The following TMC2 variants were observed in gnomAD, a reference collection of about 807,000 sequenced individuals.
The protein encoded by TMC2 is transmembrane channel-like protein 2.
In TMC2, 102 loss-of-function variants were observed where a neutral mutation model predicts 105.9. The ratio of observed to expected loss-of-function variants is 0.96; its 90% CI spans 0.82 to 1.14. The LOEUF (loss-of-function observed/expected upper bound fraction) is 1.14, where lower values mean the gene tolerates loss of function less well. TMC2 is among the 50% of genes most tolerant of loss of function. The probability of loss-of-function intolerance (pLI) is 0.00; values close to 1 mark genes in which losing one functional copy is unlikely to be tolerated. For synonymous variants in TMC2, 402 were observed against 422.8 expected (o/e 0.95, Z 0.60); for missense variants, 1,093 against 1,134.3 (o/e 0.96, Z 0.52).
intron 2 of TMC2, among the ~76,000 whole-genome samples, chr20:2,556,710 G>A (rs947116814): frequency 3.9e-5 from 6 of 152,216 alleles, no homozygotes; most frequent in Non-Finnish European, 8.8e-5. Context: ...CTGCACTCCA[G>A]CCTAGGCAAC....
At chr20:2,588,717 G>GTGTGTGTGTGTGTGTC (rs1213895827) in intron 7 of TMC2, among the ~76,000 whole-genome samples, 13 of 151,682 alleles carry the variant, frequency 8.6e-5, no homozygotes, top group Non-Finnish European at 1.8e-4. Flanking sequence ...GTGTGTGTGT[G>GTGTGTGTGTGTGTGTC]TGTGTCTTGT....
rs528150864 is a variant in TMC2 at position 2,560,091 on chromosome 20, G to A, written c.401+1317G>A. Among the ~76,000 whole-genome samples the A allele has an allele frequency of 7.9e-5, 12 of 152,190 alleles. 1 individual carries two copies. The highest frequency in any genetic ancestry group is 6.5e-4 in the Admixed American group (10 of 15,294). Reference sequence around the variant, plus strand: ...GACTTGATGGAGCGCTGAATTCCCCGGGTGCTGGGCCATCAGGGTTCCTCC... The same window carrying A: ...GACTTGATGGAGCGCTGAATTCCCCAGGTGCTGGGCCATCAGGGTTCCTCC... On this transcript the variant is annotated intron_variant, in intron 3 of 19. Coordinates refer to ENST00000358864, the MANE Select transcript of TMC2 (RefSeq NM_080751.3).
At chr20:2,537,728 C>G (rs1404750070) in intron 2 of TMC2, among the ~76,000 whole-genome samples, 1 of 152,110 alleles carries the variant, frequency 6.6e-6, no homozygotes, top group Non-Finnish European at 1.5e-5. Context: ...CACCTTCCCA[C>G]TGGGAATGTG....
intron 14 of TMC2, among the ~76,000 whole-genome samples, chr20:2,614,695 C>T (rs1487359445): frequency 1.3e-5 from 2 of 152,162 alleles, no homozygotes; most frequent in East Asian, 1.9e-4. Flanking sequence ...AATAGACCAA[C>T]ATGTCAATGG....
intron 11 of TMC2, among the ~76,000 whole-genome samples, chr20:2,608,504 T>G (rs1021119826): frequency 9.9e-5 from 15 of 151,924 alleles, no homozygotes; most frequent in African/African-American, 3.4e-4. Flanking sequence ...ATTTTTGTAT[T>G]TTTAGTAGAG....
Position 2,592,507 on chromosome 20 carries a change from C to G in TMC2, c.933+99C>G, listed in dbSNP as rs895436416. 2 of 871,044 alleles carry G rather than the reference C, an allele frequency of 2.3e-6. No homozygotes were observed. The highest frequency in any genetic ancestry group is 2.8e-5 in the South Asian group (2 of 70,184). The allele number at this position is 871,044 out of a possible 1,614,324, so 54.0% of individuals were successfully genotyped here. On this transcript the variant is annotated intron_variant, in intron 8 of 19. Coordinates refer to ENST00000358864, the MANE Select transcript of TMC2 (RefSeq NM_080751.3). The surrounding 1 kb of genome is among the most constrained non-coding windows in gnomAD (Gnocchi z 4.9). ...ATAGTGCGTTTAATTATTGAAAAAC[C>G]ATTGCTTTAATAGGATCCCAGCACT...
chr20:2,596,558 G>A (rs1019544254), intron 9 of TMC2, among the ~76,000 whole-genome samples: 2 of 151,672 alleles, frequency 1.3e-5, no homozygotes, highest in Non-Finnish European at 2.9e-5. Context: ...GCTTAAACCC[G>A]GGAGGTGGAG....
rs73087330 is a variant in TMC2, at chr20:2,558,223, C to T, written c.83-233C>T. On this transcript the variant is annotated intron_variant, in intron 2 of 19. Coordinates refer to ENST00000358864, the MANE Select transcript of TMC2 (RefSeq NM_080751.3). This position sits in a 1 kb window ranked among gnomAD's most constrained non-coding sequence, Gnocchi z 4.6. ...TGTCACAGGAGGTCTTCAAGGGAGA[C>T]GGGAGGGAGAAGGCCAGAGAGTGAC... 11,163 of 997,356 alleles carry T rather than the reference C, an allele frequency of 0.011. 86 individuals carry two copies. The highest frequency in any genetic ancestry group is 0.018 in the African/African-American group (1,127 of 61,078). The allele number at this position is 997,356 out of a possible 1,614,324, so 61.8% of individuals were successfully genotyped here.
At chr20:2,600,178 GA>G (rs1386102980) in intron 10 of TMC2, among the ~76,000 whole-genome samples, 1 of 152,178 alleles carries the variant, frequency 6.6e-6, no homozygotes, top group Non-Finnish European at 1.5e-5. Context: ...TTGAACATGT[GA>G]GAAGTAAAAT....
chr20:2,568,481 G>A (rs1363934763), intron 4 of TMC2, among the ~76,000 whole-genome samples: 1 of 152,144 alleles, frequency 6.6e-6, no homozygotes, highest in Admixed American at 6.6e-5. Context: ...CTGGATGTCT[G>A]GACACAGAGT....
chr20:2,620,434 C>T (rs969112705), intron 16 of TMC2, among the ~76,000 whole-genome samples: 34 of 152,280 alleles, frequency 2.2e-4, no homozygotes, highest in African/African-American at 8.2e-4. Flanking sequence ...TCTGACTAAT[C>T]GTGTGACTAA....
chr20:2,574,297 A>G (rs1406494967), intron 5 of TMC2, among the ~76,000 whole-genome samples: 3 of 152,194 alleles, frequency 2.0e-5, no homozygotes, highest in Non-Finnish European at 4.4e-5. Context: ...TGATTTTTAC[A>G]TACATTTTCA....
In TMC2 at chr20:2,610,572, G is replaced by A. The variant is rs747713547; in HGVS notation, c.1567G>A (p.Ala523Thr). Residue 523 changes from alanine to threonine, a missense_variant, in exon 12 of 20, where the codon GCC becomes ACC. Coordinates refer to ENST00000358864, the MANE Select transcript of TMC2 (RefSeq NM_080751.3). Reference protein sequence around the residue: ...FLGNLYTFLLALMDDVHLKLA... With the variant: ...FLGNLYTFLLTLMDDVHLKLA... ...GGGGAACCTCTACACATTTCTCTTG[G>A]CCCTGATGGATGACGTCCACCTCAA... The A allele has an allele frequency of 6.2e-7, 1 of 1,604,668 alleles. No individual in the cohort carries two copies. Among genetic ancestry groups the A allele is most frequent in the Non-Finnish European group, 8.5e-7 (1 of 1,174,932 alleles).
chr20:2,603,385 G>A (rs1363197390), intron 11 of TMC2, among the ~76,000 whole-genome samples: 2 of 152,156 alleles, frequency 1.3e-5, no homozygotes, highest in Non-Finnish European at 2.9e-5. Flanking sequence ...GGCATTGATA[G>A]GAGGACAAAT....
chr20:2,619,656 G>T (rs1370513617), intron 16 of TMC2, among the ~76,000 whole-genome samples: 1 of 152,216 alleles, frequency 6.6e-6, no homozygotes, highest in African/African-American at 2.4e-5. Flanking sequence ...TGTTCACACA[G>T]AAGGAGGGGA....
intron 4 of TMC2, among the ~76,000 whole-genome samples, chr20:2,569,977 A>G (rs2086091724): frequency 6.6e-6 from 1 of 152,232 alleles, no homozygotes; most frequent in South Asian, 2.1e-4. Flanking sequence ...TTGAAGGAAC[A>G]TACCTCAAAA....
In TMC2 at chr20:2,572,245, T is replaced by C. The variant is rs1310837543; in HGVS notation, c.621T>C (p.Tyr207=). The change falls in exon 5 of 20, where the codon TAT becomes TAC. Residue 207 remains tyrosine, a synonymous_variant. Transcript: ENST00000358864. ...GAAAGGGGAAAGGCAAGCAACTATA[T>C]GCCTACAAGATGCTGATGGCCAAGG... The part of the protein sequence containing the change: ...ALGKGKGKQL[Y]AYKMLMAKKW... The C allele has an allele frequency of 6.2e-7, 1 of 1,613,514 alleles. No individual in the cohort carries two copies. The highest frequency in any genetic ancestry group is 1.7e-5 in the Admixed American group (1 of 59,996).
intron 7 of TMC2, among the ~76,000 whole-genome samples, chr20:2,589,665 T>A (rs1040093571): frequency 2.0e-5 from 3 of 152,070 alleles, no homozygotes; most frequent in Non-Finnish European, 4.4e-5. Context: ...CTGGCAGTAC[T>A]GTTTGTTTGT....
intron 17 of TMC2, among the ~76,000 whole-genome samples, chr20:2,632,265 G>A (rs1383149099): frequency 1.3e-5 from 2 of 151,998 alleles, no homozygotes; most frequent in Admixed American, 1.3e-4. Flanking sequence ...CAGATATGTT[G>A]AGCACCTCCA....
Sources: gnomAD v4.1 joint callset for allele counts (sites outside exome capture counted in the v4.1 genomes callset) on GRCh38, gnomAD v4.1.1 for gene constraint, Gnocchi (gnomAD v3.1) non-coding constraint, MANE v1.5 for transcripts, NCBI Gene and HGNC (gene_info 2026-07-23, HGNC 2026-07-21) for gene names.